Variants in IFT140 observed in about 807,000 individuals in gnomAD.
The protein encoded by IFT140 is intraflagellar transport 140.
A neutral mutation model predicts 164.6 loss-of-function variants in IFT140; 133 were observed. The ratio of observed to expected loss-of-function variants is 0.81; its 90% CI spans 0.70 to 0.93. The LOEUF (loss-of-function observed/expected upper bound fraction) is 0.93, where lower values mean the gene tolerates loss of function less well. Among genes scored for constraint, IFT140 ranks in the 40% least tolerant of loss-of-function variants. The pLI is 0.00. For missense variants in IFT140, 2,045 were observed against 1,972.3 expected, an observed-to-expected ratio of 1.04 and a Z score of -0.70; for synonymous variants, 860 against 817.3, an observed-to-expected ratio of 1.05 and a Z score of -0.89.
At chr16:1,517,329 A>G (rs891726155) in intron 30 of IFT140, among the ~76,000 whole-genome samples, 3 of 150,414 alleles carry the variant, frequency 2.0e-5, no homozygotes, top group African/African-American at 5.0e-5. Context: ...CAGCCTGGGC[A>G]ACAGAGTGAG....
chr16:1,553,897 G>A lies in IFT140; in HGVS notation c.2399+4038C>T, dbSNP rs2032880513. On this transcript the variant is annotated intron_variant, in intron 19 of 30. Coordinates refer to ENST00000426508, the MANE Select transcript of IFT140 (RefSeq NM_014714.4). This position sits in a 1 kb window ranked among gnomAD's most constrained non-coding sequence, Gnocchi z 4.4. The stretch of plus-strand genomic sequence containing the variant: ...CTAGTCACGAAACCCTGATTTTCCT[G>A]TTGTAAGAACTAAAAAGGTCTTTGG... 1 of 1,269,664 alleles carries A rather than the reference G, an allele frequency of 7.9e-7. No homozygotes were observed. Among genetic ancestry groups the A allele is most frequent in the Non-Finnish European group, 1.0e-6 (1 of 977,426 alleles). The allele number at this position is 1,269,664 out of a possible 1,614,324, so 78.6% of individuals were successfully genotyped here.
At chr16:1,545,346 C>T (rs969803016) in intron 19 of IFT140, among the ~76,000 whole-genome samples, 9 of 152,204 alleles carry the variant, frequency 5.9e-5, no homozygotes, top group South Asian at 4.2e-4. Context: ...GCTTTTCTTG[C>T]CCCCACAGGC....
At chr16:1,589,087 C>T (rs1263662210) in intron 7 of IFT140, among the ~76,000 whole-genome samples, 1 of 152,212 alleles carries the variant, frequency 6.6e-6, no homozygotes, top group Non-Finnish European at 1.5e-5. Context: ...GTGACTAGTG[C>T]CCATGTCCTC....
chr16:1,545,069 G>A (rs1341342946), intron 19 of IFT140, among the ~76,000 whole-genome samples: 1 of 152,260 alleles, frequency 6.6e-6, no homozygotes, highest in East Asian at 1.9e-4. Context: ...TTCAGGACAA[G>A]ATAGTGTTTC....
intron 30 of IFT140, among the ~76,000 whole-genome samples, chr16:1,514,106 C>T (rs902033746): frequency 2.6e-5 from 4 of 151,516 alleles, no homozygotes; most frequent in Non-Finnish European, 2.9e-5. Context: ...CGGTACCTCA[C>T]GCCTGTAATC....
rs571343826 is a variant in IFT140 at position 1,539,601 on chromosome 16, C to T, written c.2400-12805G>A. ...TCTGTTCCTTCTTTAGAGAGAACCTCGCGGGAGCGCTATGGTTTCTAACTC... is the reference window on the plus strand; with the variant it reads ...TCTGTTCCTTCTTTAGAGAGAACCTTGCGGGAGCGCTATGGTTTCTAACTC... On this transcript the variant is annotated intron_variant, in intron 19 of 30. Transcript: ENST00000426508. Among the ~76,000 whole-genome samples the T allele has an allele frequency of 5.3e-5, 8 of 152,368 alleles. No individual in the cohort carries two copies. The South Asian group carries it at 1.2e-3, about 24-fold the overall frequency.
chr16:1,586,716 GCTT>G (rs2034903054), intron 9 of IFT140, among the ~76,000 whole-genome samples: 1 of 152,194 alleles, frequency 6.6e-6, no homozygotes, highest in Admixed American at 6.5e-5. Context: ...GAATCGGTTT[GCTT>G]CTTGTTAGAT....
intron 26 of IFT140, 24 bp from the exon 27 acceptor site, chr16:1,520,832 G>T (rs763923697): frequency 4.4e-6 from 7 of 1,590,768 alleles, no homozygotes; most frequent in Non-Finnish European, 5.1e-6. Flanking sequence ...GAAATGGGAC[G>T]GGGCTGCCGA....
rs781747985 is a variant in IFT140, at chr16:1,588,034, G to A, written c.811-10C>T. Reference sequence around the variant, plus strand: ...TCCCGCTCAGCTTGACCTGTGTGAGGAAACAACCGAGCAGAGGCACCGTGC... The same window carrying A: ...TCCCGCTCAGCTTGACCTGTGTGAGAAAACAACCGAGCAGAGGCACCGTGC... On this transcript the variant is annotated splice_polypyrimidine_tract_variant and intron_variant, in intron 7 of 30. Transcript: ENST00000426508. The A allele has an allele frequency of 9.9e-6, 16 of 1,612,548 alleles. No homozygotes were observed. The African/African-American group carries it at 1.7e-4, about 17-fold the overall frequency.
intron 19 of IFT140, among the ~76,000 whole-genome samples, chr16:1,548,040 C>T (rs2032317393): frequency 6.6e-6 from 1 of 152,202 alleles, no homozygotes; most frequent in Middle Eastern, 3.2e-3. Context: ...TATGTCCCTT[C>T]GTCTCTTCTT....
intron 19 of IFT140, among the ~76,000 whole-genome samples, chr16:1,528,337 ACACACACGCATGCACGCACGTGTG>A (rs2029972238): frequency 2.8e-5 from 3 of 105,574 alleles, no homozygotes; most frequent in African/African-American, 1.2e-4. Flanking sequence ...GCACGTGTGC[ACACACACGCATGCACGCACGTGTG>A]CACACACACG....
At chr16:1,523,240 A>G (rs1477756153) in intron 26 of IFT140, among the ~76,000 whole-genome samples, 1 of 151,096 alleles carries the variant, frequency 6.6e-6, no homozygotes, top group Non-Finnish European at 1.5e-5. Context: ...AAAAAAGGCT[A>G]AGATGGTAAA....
chr16:1,584,999 G>T (rs781052452), intron 10 of IFT140, among the ~76,000 whole-genome samples: 5 of 152,184 alleles, frequency 3.3e-5, no homozygotes, highest in African/African-American at 4.8e-5. Context: ...CGTGGTGAAG[G>T]AGCTGAAGGA....
intron 19 of IFT140, among the ~76,000 whole-genome samples, chr16:1,542,530 C>T: frequency 6.6e-6 from 1 of 152,348 alleles, no homozygotes; most frequent in African/African-American, 2.4e-5. Context: ...AGGCCTAGAA[C>T]AGGTCAGGCC....
Position 1,568,246 on chromosome 16 carries a change from C to T in IFT140, c.1741G>A (p.Gly581Arg), listed in dbSNP as rs532971915. Residue 581 changes from glycine to arginine, a missense_variant, in exon 15 of 31, where the codon GGG becomes AGG. Transcript: ENST00000426508. Reference protein sequence around the residue: ...GIASLRCSSSGSTISILPSKA... With the variant: ...GIASLRCSSSRSTISILPSKA... ...CTGGGGAGGATGCTGATGGTGCTCC[C>T]GCTGCTGCTGCACCGCAGAGAAGCG... is the stretch of plus-strand genomic sequence containing the variant. 5.0e-6 allele frequency: 8 copies of T among 1,609,490 alleles called. No homozygotes were observed. The highest frequency in any genetic ancestry group is 1.7e-4 in the Middle Eastern group (1 of 5,944).
At chr16:1,587,606 G>C (rs932336854) in intron 8 of IFT140, among the ~76,000 whole-genome samples, 1 of 152,204 alleles carries the variant, frequency 6.6e-6, no homozygotes, top group Non-Finnish European at 1.5e-5. Context: ...AGCTAACGCA[G>C]CAGGCAGCAG....
chr16:1,605,396 C>T (rs532066643), intron 3 of IFT140, among the ~76,000 whole-genome samples: 2 of 152,018 alleles, frequency 1.3e-5, no homozygotes, highest in East Asian at 3.9e-4. Context: ...AGGAGGAAAC[C>T]TCATTTTCTT....
chr16:1,556,516 A>T (rs1182528689), intron 19 of IFT140, among the ~76,000 whole-genome samples: 1 of 152,214 alleles, frequency 6.6e-6, no homozygotes, highest in Non-Finnish European at 1.5e-5. Context: ...ATAAATCTTT[A>T]GTTTGGCTGC....
chr16:1,541,071 C>T (rs1219838713), intron 19 of IFT140: 34 of 985,316 alleles, frequency 3.5e-5, no homozygotes, highest in South Asian at 4.7e-5. Context: ...GGGCAACAAA[C>T]GCACCTCCCT....
Sources: gnomAD v4.1 joint callset for allele counts (sites outside exome capture counted in the v4.1 genomes callset) on GRCh38, gnomAD v4.1.1 for gene constraint, Gnocchi (gnomAD v3.1) non-coding constraint, MANE v1.5 for transcripts, NCBI Gene and HGNC (gene_info 2026-07-23, HGNC 2026-07-21) for gene names.